The following MAGEC3 variants were observed in gnomAD, a reference collection of about 807,000 sequenced individuals.
MAGEC3 encodes the protein MAGE family member C3.
A neutral mutation model predicts 35.3 loss-of-function variants in MAGEC3; 34 were observed. The observed-to-expected ratio is 0.96, with a 90% CI of 0.73 to 1.28. The LOEUF (loss-of-function observed/expected upper bound fraction) is 1.28, where lower values mean the gene tolerates loss of function less well. MAGEC3 is among the 50% of genes most tolerant of loss of function. The probability of loss-of-function intolerance (pLI) is 0.00; values close to 1 mark genes in which losing one functional copy is unlikely to be tolerated. For synonymous variants in MAGEC3, 202 were observed against 185.6 expected (o/e 1.09, Z -0.72); for missense variants, 561 against 483.6 (o/e 1.16, Z -1.50).
At position 141,894,227 on chromosome X, in the gene MAGEC3, G is replaced by A. The variant is rs760327540; in HGVS notation, c.910-1042G>A. ...AACTGGTCAGTGTGACACTTGGTTC[G>A]TAGATATGGAACTCCACGCATTTGC... On this transcript the variant is annotated intron_variant, in intron 4 of 7. Transcript: ENST00000298296. Among the ~76,000 whole-genome samples, 21 of 112,086 alleles carry A rather than the reference G, an allele frequency of 1.9e-4. No individual in the cohort carries two copies. The East Asian group carries it at 2.0e-3, about 10-fold the overall frequency.
chrX:141,850,584 G>A (rs1269021631), intron 1 of MAGEC3, among the ~76,000 whole-genome samples: 1 of 110,683 alleles, frequency 9.0e-6, no homozygotes, highest in Non-Finnish European at 1.9e-5. Context: ...ACATTATGGA[G>A]GGTAATCTGT....
At chrX:141,865,348 T>A in intron 1 of MAGEC3, 123 bp from the exon 2 acceptor site, 2 of 622,583 alleles carry the variant, frequency 3.2e-6, no homozygotes, top group Non-Finnish European at 4.4e-6. Context: ...TAATTTGACA[T>A]TTTTTTTCTC....
chrX:141,849,814 G>T (rs1252624741), intron 1 of MAGEC3, among the ~76,000 whole-genome samples: 2 of 111,209 alleles, frequency 1.8e-5, no homozygotes, highest in African/African-American at 6.5e-5. Flanking sequence ...CTTCAGCCAC[G>T]GTGGAAAGGA....
chrX:141,893,188 A>G (rs1251491154), intron 4 of MAGEC3, among the ~76,000 whole-genome samples: 2 of 111,914 alleles, frequency 1.8e-5, no homozygotes, highest in Non-Finnish European at 3.8e-5. Flanking sequence ...AAAACACTGA[A>G]ACATCAAATG....
intron 1 of MAGEC3, among the ~76,000 whole-genome samples, chrX:141,861,424 GA>G (rs1203618361): frequency 1.8e-5 from 2 of 109,929 alleles, no homozygotes; most frequent in Non-Finnish European, 3.8e-5. Context: ...CACAGAATTA[GA>G]AAAAAAATAT....
intron 1 of MAGEC3, chrX:141,839,911 A>G (rs1982319142): frequency 5.4e-6 from 3 of 556,115 alleles, no homozygotes; most frequent in Non-Finnish European, 6.5e-6. Flanking sequence ...TGGACAAAGG[A>G]CGACCTCACA....
At chrX:141,872,566 ACCAGGAGAAAG>A (rs1043618926) in intron 2 of MAGEC3, among the ~76,000 whole-genome samples, 1 of 111,455 alleles carries the variant, frequency 9.0e-6, no homozygotes, top group African/African-American at 3.3e-5. Context: ...TTTCTCAGGT[ACCAGGAGAAAG>A]CCAGGAGAAG....
chrX:141,874,426 C>T lies in MAGEC3; in HGVS notation c.259-4749C>T, dbSNP rs189103865. 5.2e-3 allele frequency among the ~76,000 whole-genome samples: 580 copies of T among 110,726 alleles called. 7 individuals carry two copies. The highest frequency in any genetic ancestry group is 0.018 in the African/African-American group (557 of 30,474). On this transcript the variant is annotated intron_variant, in intron 2 of 7. Transcript: ENST00000298296. ...GAGAACAAAAAGGAAAAACGAGAAA[C>T]GAGGATAAAAGTTTTGCAAAAAAAA...
At chrX:141,893,021 A>G (rs1479140557) in intron 4 of MAGEC3, among the ~76,000 whole-genome samples, 2 of 112,249 alleles carry the variant, frequency 1.8e-5, no homozygotes, top group Non-Finnish European at 3.8e-5. Context: ...ACCCAATTTA[A>G]AGTGGACAAA....
intron 2 of MAGEC3, among the ~76,000 whole-genome samples, chrX:141,868,989 C>T (rs765373859): frequency 1.1e-4 from 12 of 109,840 alleles, no homozygotes; most frequent in Non-Finnish European, 1.9e-4. Flanking sequence ...TCACGCCATT[C>T]TCCTGCCTCA....
rs755326230 is a variant in MAGEC3, at chrX:141,895,257, C to T, written c.910-12C>T. 8.3e-7 allele frequency: 1 copy of T among 1,205,232 alleles called. No individual in the cohort carries two copies. Among genetic ancestry groups the T allele is most frequent in the South Asian group, 1.8e-5 (1 of 56,562 alleles). Reference sequence around the variant, plus strand: ...GAGAGGAGGCCCCACCCCACGCTGCCTCTGCTGTCAGCCCTGGTCAGCCTT... The same window carrying T: ...GAGAGGAGGCCCCACCCCACGCTGCTTCTGCTGTCAGCCCTGGTCAGCCTT... On this transcript the variant is annotated splice_polypyrimidine_tract_variant and intron_variant, in intron 4 of 7. Coordinates refer to ENST00000298296, the MANE Select transcript of MAGEC3 (RefSeq NM_138702.1).
intron 1 of MAGEC3, among the ~76,000 whole-genome samples, chrX:141,842,098 A>T (rs2017689392): frequency 8.9e-6 from 1 of 111,932 alleles, no homozygotes; most frequent in African/African-American, 3.2e-5. Context: ...TACTTGGTTC[A>T]TACAATTACT....
At position 141,881,483 on chromosome X, in the gene MAGEC3, A is replaced by G. The variant is rs746321352; in HGVS notation, c.596A>G (p.Tyr199Cys). 1.7e-6 allele frequency: 2 copies of G among 1,211,136 alleles called. No individual in the cohort carries two copies. The highest frequency in any genetic ancestry group is 2.2e-6 in the Non-Finnish European group (2 of 895,221). ...DKLVQFLLLK[Y>C]QAKEPLTRAE... is the part of the protein sequence containing the mutation. ...TTGGTGCAGTTTCTTCTCCTCAAAT[A>G]TCAAGCAAAAGAGCCTCTCACAAGA... Residue 199 changes from tyrosine (Y) to cysteine (C), a missense_variant, in exon 4 of 8, where the codon TAT becomes TGT. Transcript: ENST00000298296.
intron 1 of MAGEC3, chrX:141,840,007 A>G: frequency 9.3e-6 from 7 of 752,518 alleles, no homozygotes; most frequent in Non-Finnish European, 1.1e-5. Context: ...AACTCTAAAA[A>G]TGATTCACTT....
At position 141,858,027 on chromosome X, in the gene MAGEC3, A is replaced by G. The variant is rs150332738; in HGVS notation, c.124-7444A>G. Among the ~76,000 whole-genome samples, 244 of 111,275 alleles carry G rather than the reference A, an allele frequency of 2.2e-3. 1 individual carries two copies. Among genetic ancestry groups the G allele is most frequent in the Non-Finnish European group, 2.4e-3 (126 of 52,899 alleles). On this transcript the variant is annotated intron_variant, in intron 1 of 7. Transcript: ENST00000298296. Reference sequence around the variant, plus strand: ...TGATGGCCAGCATTAATTTACATAAATTAATTTGAGGGAGGATACTAATTT... The same window carrying G: ...TGATGGCCAGCATTAATTTACATAAGTTAATTTGAGGGAGGATACTAATTT...
Position 141,897,389 on chromosome X carries a change from C to T in MAGEC3, c.1631C>T (p.Pro544Leu), listed in dbSNP as rs1180243991. The change falls in exon 7 of 8, where the codon CCC becomes CTC. Residue 544 changes from proline (P) to leucine (L), a missense_variant. Transcript: ENST00000298296. Reference protein sequence around the residue: ...EGSLIDDQGMPKNCLLILILS... With the variant: ...EGSLIDDQGMLKNCLLILILS... ...AGCCTGATTGATGACCAGGGCATGC[C>T]CAAGAACTGTCTCCTGATTCTTATT... is the stretch of plus-strand genomic sequence containing the variant. 2 of 1,209,923 alleles carry T rather than the reference C, an allele frequency of 1.7e-6. No homozygotes were observed. The highest frequency in any genetic ancestry group is 2.2e-6 in the Non-Finnish European group (2 of 895,248).
chrX:141,850,025 A>C (rs986094213), intron 1 of MAGEC3, among the ~76,000 whole-genome samples: 11 of 111,560 alleles, frequency 9.9e-5, no homozygotes, highest in African/African-American at 3.6e-4. Context: ...CATGTACATC[A>C]TGGAATACTA....
rs766979001 is a variant in MAGEC3, at chrX:141,868,847, A to T, written c.258+3242A>T. ...TATAAGTTCTTTGATTTTTTTTAAA[A>T]TTTTTATTTTATTTATTTATTTATT... is the stretch of plus-strand genomic sequence containing the variant. On this transcript the variant is annotated intron_variant, in intron 2 of 7. Transcript: ENST00000298296. 1.9e-3 allele frequency among the ~76,000 whole-genome samples: 196 copies of T among 104,271 alleles called. 1 individual carries two copies. The highest frequency in any genetic ancestry group is 6.7e-3 in the African/African-American group (187 of 27,949). 90.5% of individuals were successfully genotyped at this position (104,271 alleles called of 115,157 possible).
At chrX:141,853,886 G>C (rs908794257) in intron 1 of MAGEC3, among the ~76,000 whole-genome samples, 3 of 111,059 alleles carry the variant, frequency 2.7e-5, no homozygotes, top group African/African-American at 9.8e-5. Flanking sequence ...TAGTTACAAG[G>C]CTAGTCCATG....
Sources: allele counts gnomAD v4.1 joint callset (sites outside exome capture counted in the v4.1 genomes callset), GRCh38; gene constraint gnomAD v4.1.1; transcripts MANE v1.5; gene names NCBI Gene and HGNC (gene_info 2026-07-23, HGNC 2026-07-21).